The following COL7A1 variants were observed in gnomAD, a reference collection of about 807,000 sequenced individuals.
COL7A1 encodes collagen type VII alpha 1 chain, also known as collagen alpha-1(VII) chain.
COL7A1 carries 296 observed loss-of-function variants against 456.2 expected under a neutral mutation model. The ratio of observed to expected loss-of-function variants is 0.65; its 90% CI spans 0.59 to 0.71. COL7A1 has a LOEUF of 0.71. Among genes scored for constraint, COL7A1 ranks in the 30% least tolerant of loss-of-function variants. The pLI, the probability that COL7A1 is intolerant of heterozygous loss-of-function variation, is 0.00. For synonymous variants in COL7A1, 1,464 were observed against 1,525.9 expected (o/e 0.96, Z 0.95); for missense variants, 3,441 against 4,017.2 (o/e 0.86, Z 3.88).
rs1346251149 is a variant in COL7A1, at chr3:48,571,109, C to A, written c.7156G>T (p.Gly2386Cys). 2 of 1,613,834 alleles carry A rather than the reference C, an allele frequency of 1.2e-6. No homozygotes were observed. The highest frequency in any genetic ancestry group is 1.7e-6 in the Non-Finnish European group (2 of 1,179,994). ...PGSPGPPGPP[G>C]VKGDLGLPGL... ...ATGGGGCATTGACTTACCTTCACAC[C>A]TGGAGGGCCAGGAGGCCCAGGGGAG... The change falls in exon 94 of 119, where the codon GGT becomes TGT. Residue 2386 changes from glycine (G) to cysteine (C), a missense_variant. Coordinates refer to ENST00000681320, the MANE Select transcript of COL7A1 (RefSeq NM_000094.4). This position sits in a 1 kb window ranked among gnomAD's most constrained non-coding sequence, Gnocchi z 4.6.
rs766902987 is a variant in COL7A1, at chr3:48,593,378, C to CT, written c.497dup (p.Val168GlyfsTer12). The CT allele has an allele frequency of 4.2e-5, 68 of 1,614,044 alleles. No individual in the cohort carries two copies. Among genetic ancestry groups the CT allele is most frequent in the Non-Finnish European group, 5.6e-5 (66 of 1,180,050 alleles). ...TACCCACAGCAAATAGCTTGACCCC[C>CT]TGCCCCTTCAGCCTTTGGGCAGCTG... On this transcript the variant is annotated frameshift_variant, in exon 5 of 119. Transcript: ENST00000681320. LOFTEE classifies it high-confidence loss of function. The surrounding 1 kb of genome is among the most constrained non-coding windows in gnomAD (Gnocchi z 4.4).
At position 48,584,469 on chromosome 3, in the gene COL7A1, C is replaced by T. The variant is rs1374977942; in HGVS notation, c.4119+16G>A. On this transcript the variant is annotated intron_variant, in intron 36 of 118. Transcript: ENST00000681320. ...CCCCACTACACATCACTTGCCTCCA[C>T]ATACCCTGCACTTACCGATGGTCCA... The T allele has an allele frequency of 6.2e-7, 1 of 1,613,894 alleles. No homozygotes were observed. The highest frequency in any genetic ancestry group is 1.7e-5 in the Admixed American group (1 of 60,010).
At position 48,574,768 on chromosome 3, in the gene COL7A1, G is replaced by C; in HGVS notation, c.6348+29C>G. ...TCAGTCCCTAGTGCCATGGCAGAGG[G>C]TGGCCCCGAGCTGATTCCACACACT... On this transcript the variant is annotated intron_variant, in intron 77 of 118. Transcript: ENST00000681320. This position sits in a 1 kb window ranked among gnomAD's most constrained non-coding sequence, Gnocchi z 5.0. 1 of 1,613,970 alleles carries C rather than the reference G, an allele frequency of 6.2e-7. No individual in the cohort carries two copies. The highest frequency in any genetic ancestry group is 8.5e-7 in the Non-Finnish European group (1 of 1,180,014).
chr3:48,589,900 G>A (rs183300939), intron 16 of COL7A1, among the ~76,000 whole-genome samples, 182 bp from the exon 17 acceptor site: 1 of 152,262 alleles, frequency 6.6e-6, no homozygotes, highest in Admixed American at 6.5e-5. Flanking sequence ...TCTGATGGAG[G>A]AGAAAGTGTA....
Position 48,578,770 on chromosome 3 carries a change from TA to T in COL7A1, c.5424+148del. On this transcript the variant is annotated intron_variant, in intron 63 of 118. Coordinates refer to ENST00000681320, the MANE Select transcript of COL7A1 (RefSeq NM_000094.4). This position sits in a 1 kb window ranked among gnomAD's most constrained non-coding sequence, Gnocchi z 4.7. ...AGAAGGTCAGAAAGGGGGATTCTACTAAAACCTGTGTGCCAGGGACTGAGAC... is the reference window on the plus strand; with the variant it reads ...AGAAGGTCAGAAAGGGGGATTCTACTAAACCTGTGTGCCAGGGACTGAGAC... 1.2e-6 allele frequency: 1 copy of T among 858,092 alleles called. No individual in the cohort carries two copies. The highest frequency in any genetic ancestry group is 1.8e-6 in the Non-Finnish European group (1 of 566,464). 53.2% of individuals were successfully genotyped at this position (858,092 alleles called of 1,614,324 possible).
chr3:48,572,340 G>A lies in COL7A1; in HGVS notation c.6978+40C>T. ...CAGAAGTTAGGCCACTGGAGAGACA[G>A]GACCCCCAGAACATCTGCTGTCAGA... On this transcript the variant is annotated intron_variant, in intron 90 of 118. Transcript: ENST00000681320. This position sits in a 1 kb window ranked among gnomAD's most constrained non-coding sequence, Gnocchi z 4.6. The A allele has an allele frequency of 1.2e-6, 2 of 1,614,114 alleles. No homozygotes were observed. The highest frequency in any genetic ancestry group is 1.1e-5 in the South Asian group (1 of 91,086).
chr3:48,589,066 G>T, intron 18 of COL7A1, 71 bp from the exon 19 acceptor site: 1 of 1,607,788 alleles, frequency 6.2e-7, no homozygotes, highest in Non-Finnish European at 8.5e-7. Context: ...TTGACGCAGG[G>T]GTGATCTGAA....
intron 37 of COL7A1, 63 bp from the exon 38 acceptor site, chr3:48,584,124 T>C: frequency 6.2e-7 from 1 of 1,612,832 alleles, no homozygotes; most frequent in Non-Finnish European, 8.5e-7. Flanking sequence ...ATACCAGGAG[T>C]GATGAGGGTC....
At position 48,591,444 on chromosome 3, in the gene COL7A1, G is replaced by A; in HGVS notation, c.1636+20C>T. ...GAACTTCAGTGTGTGTGGTGGGGGT[G>A]CTGGCTGCGTCCACCTCACCCTGGG... is the stretch of plus-strand genomic sequence containing the variant. On this transcript the variant is annotated intron_variant, in intron 13 of 118. Coordinates refer to ENST00000681320, the MANE Select transcript of COL7A1 (RefSeq NM_000094.4). The surrounding 1 kb of genome is among the most constrained non-coding windows in gnomAD (Gnocchi z 7.0). 6.2e-7 allele frequency: 1 copy of A among 1,611,974 alleles called. No individual in the cohort carries two copies. The highest frequency in any genetic ancestry group is 8.5e-7 in the Non-Finnish European group (1 of 1,179,020).
At position 48,574,479 on chromosome 3, in the gene COL7A1, A is replaced by G; in HGVS notation, c.6456+9T>C. On this transcript the variant is annotated intron_variant, in intron 79 of 118. Transcript: ENST00000681320. The surrounding 1 kb of genome is among the most constrained non-coding windows in gnomAD (Gnocchi z 5.0). The stretch of plus-strand genomic sequence containing the variant: ...CTTGCACATGTGTGGCTGTTGGGCA[A>G]GGACTTACCGGGTTGCCGTCCTGAC... 1.2e-6 allele frequency: 2 copies of G among 1,614,138 alleles called. No individual in the cohort carries two copies. Among genetic ancestry groups the G allele is most frequent in the Non-Finnish European group, 1.7e-6 (2 of 1,180,022 alleles).
In COL7A1 at chr3:48,564,513, G is replaced by A. The variant is rs1219082261; in HGVS notation, c.8819-91C>T. Reference sequence around the variant, plus strand: ...GCACCGCCAAGGGGAGGGAGCGGAGGCTACAACAGGAAGTGGGGGCTCTGA... The same window carrying A: ...GCACCGCCAAGGGGAGGGAGCGGAGACTACAACAGGAAGTGGGGGCTCTGA... On this transcript the variant is annotated intron_variant, in intron 118 of 118. Coordinates refer to ENST00000681320, the MANE Select transcript of COL7A1 (RefSeq NM_000094.4). This position sits in a 1 kb window ranked among gnomAD's most constrained non-coding sequence, Gnocchi z 6.0. The A allele has an allele frequency of 3.3e-6, 5 of 1,501,594 alleles. No homozygotes were observed. The highest frequency in any genetic ancestry group is 4.6e-6 in the Non-Finnish European group (5 of 1,087,882). The allele number at this position is 1,501,594 out of a possible 1,614,324, so 93.0% of individuals were successfully genotyped here.
Position 48,587,826 on chromosome 3 carries a change from C to T in COL7A1, c.2824G>A (p.Glu942Lys). ...GCAGTCACCTCTGCAGAGGGCCCTT[C>T]TCCAGCTGGCCCTAGGACACTCAGC... is the stretch of plus-strand genomic sequence containing the variant. ...VRLSVLGPAG[E>K]GPSAEVTART... The change falls in exon 22 of 119, where the codon GAA becomes AAA. Residue 942 changes from glutamate (E) to lysine (K), a missense_variant. By Grantham distance (56) the Glu-to-Lys change is moderately conservative. This residue lies in a region of COL7A1 where 444 missense variants were observed against 427.6 expected (regional missense o/e 1.04). Coordinates refer to ENST00000681320, the MANE Select transcript of COL7A1 (RefSeq NM_000094.4). This position sits in a 1 kb window ranked among gnomAD's most constrained non-coding sequence, Gnocchi z 6.1. The T allele has an allele frequency of 6.2e-7, 1 of 1,613,442 alleles. No homozygotes were observed. Among genetic ancestry groups the T allele is most frequent in the Non-Finnish European group, 8.5e-7 (1 of 1,179,988 alleles).
Position 48,568,450 on chromosome 3 carries a change from GGGGGCCC to G in COL7A1, c.7794+42_7794+48del. 6.5e-7 allele frequency: 1 copy of G among 1,546,164 alleles called. No homozygotes were observed. The stretch of plus-strand genomic sequence containing the variant: ...ACACTGGTGGGACCACCATGGTGAC[GGGGGCCC>G]TCTGGGGACAGGGGGCCCCTGTGGG... On this transcript the variant is annotated intron_variant, in intron 105 of 118. Coordinates refer to ENST00000681320, the MANE Select transcript of COL7A1 (RefSeq NM_000094.4). This position sits in a 1 kb window ranked among gnomAD's most constrained non-coding sequence, Gnocchi z 5.2.
In COL7A1 at chr3:48,569,103, G is replaced by C. The variant is rs1412667542; in HGVS notation, c.7687-248C>G. ...CACTGGGTTCCTCATCCCATCTGAA[G>C]CACCTTCAGATGGGGACACCCAAGG... On this transcript the variant is annotated intron_variant, in intron 103 of 118. Coordinates refer to ENST00000681320, the MANE Select transcript of COL7A1 (RefSeq NM_000094.4). This position sits in a 1 kb window ranked among gnomAD's most constrained non-coding sequence, Gnocchi z 4.9. 6.6e-6 allele frequency among the ~76,000 whole-genome samples: 1 copy of C among 151,982 alleles called. No homozygotes were observed. The highest frequency in any genetic ancestry group is 1.5e-5 in the Non-Finnish European group (1 of 67,982).
chr3:48,587,010 C>G lies in COL7A1; in HGVS notation c.3238G>C (p.Val1080Leu). ...EATRRVLERL[V>L]LALGPLGPQA... The stretch of plus-strand genomic sequence containing the variant: ...GGCCCAAGAGGCCCAAGTGCCAACA[C>G]CAGACGCTCCAGGACCCTCCTCGTA... The change falls in exon 25 of 119, where the codon GTG (valine) becomes CTG (leucine). Residue 1080 changes from valine (V) to leucine (L), a missense_variant. This residue lies in a region of COL7A1 where 444 missense variants were observed against 427.6 expected (regional missense o/e 1.04). Coordinates refer to ENST00000681320, the MANE Select transcript of COL7A1 (RefSeq NM_000094.4). This position sits in a 1 kb window ranked among gnomAD's most constrained non-coding sequence, Gnocchi z 6.1. 1 of 1,601,680 alleles carries G rather than the reference C, an allele frequency of 6.2e-7. No individual in the cohort carries two copies. Among genetic ancestry groups the G allele is most frequent in the Non-Finnish European group, 8.5e-7 (1 of 1,174,310 alleles).
Position 48,578,204 on chromosome 3 carries a change from C to T in COL7A1, c.5532+117G>A, listed in dbSNP as rs2044458018. 1 of 1,184,164 alleles carries T rather than the reference C, an allele frequency of 8.4e-7. No individual in the cohort carries two copies. The highest frequency in any genetic ancestry group is 1.9e-5 in the Admixed American group (1 of 51,642). The allele number at this position is 1,184,164 out of a possible 1,614,324, so 73.4% of individuals were successfully genotyped here. ...TATGTTTCTGGATGCATCTGTATGTCTGGGCCAGGATGCATGTGTCTACAC... is the reference window on the plus strand; with the variant it reads ...TATGTTTCTGGATGCATCTGTATGTTTGGGCCAGGATGCATGTGTCTACAC... On this transcript the variant is annotated intron_variant, in intron 65 of 118. Coordinates refer to ENST00000681320, the MANE Select transcript of COL7A1 (RefSeq NM_000094.4). This position sits in a 1 kb window ranked among gnomAD's most constrained non-coding sequence, Gnocchi z 4.7.
chr3:48,594,402 G>GCA lies in COL7A1; in HGVS notation c.230_231dup (p.Arg78CysfsTer27), dbSNP rs2045925133. 4 of 1,611,522 alleles carry GCA rather than the reference G, an allele frequency of 2.5e-6. No homozygotes were observed. Among genetic ancestry groups the GCA allele is most frequent in the Non-Finnish European group, 2.5e-6 (3 of 1,180,030 alleles). On this transcript the variant is annotated frameshift_variant, in exon 3 of 119. Coordinates refer to ENST00000681320, the MANE Select transcript of COL7A1 (RefSeq NM_000094.4). LOFTEE classifies it high-confidence loss of function. This position sits in a 1 kb window ranked among gnomAD's most constrained non-coding sequence, Gnocchi z 5.5. ...TCGCTGTACTGCACTGTGGCAAAGC[G>GCA]CACACCCTGTGCACTGGCTGCTCCA... is the stretch of plus-strand genomic sequence containing the variant.
Position 48,578,351 on chromosome 3 carries a change from C to G in COL7A1, c.5502G>C (p.Glu1834Asp). The G allele has an allele frequency of 6.2e-7, 1 of 1,613,086 alleles. No homozygotes were observed. Among genetic ancestry groups the G allele is most frequent in the Non-Finnish European group, 8.5e-7 (1 of 1,180,020 alleles). ...TTCCATTCAGGCCAGGTTTGCCATC[C>G]TCGCCTGGCTTTCCCTGTGGGAACA... ...GPPGLPGKPG[E>D]DGKPGLNGKN... Residue 1834 changes from glutamate to aspartate, a missense_variant, in exon 65 of 119, where the codon GAG becomes GAC. Coordinates refer to ENST00000681320, the MANE Select transcript of COL7A1 (RefSeq NM_000094.4). The surrounding 1 kb of genome is among the most constrained non-coding windows in gnomAD (Gnocchi z 4.7).
rs142991861 is a variant in COL7A1 at position 48,586,350 on chromosome 3, G to A, written c.3532C>T (p.Arg1178Cys). The change falls in exon 27 of 119, where the codon CGT (arginine) becomes TGT (cysteine). Residue 1178 changes from arginine to cysteine, a missense_variant. Around this residue, in one of 3 missense-constraint regions of COL7A1, gnomAD observed 2,084 missense variants for 2,501.3 expected, o/e 0.83. Coordinates refer to ENST00000681320, the MANE Select transcript of COL7A1 (RefSeq NM_000094.4). This position sits in a 1 kb window ranked among gnomAD's most constrained non-coding sequence, Gnocchi z 5.1. ...PLRGDIFSPI[R>C]EAQASGLNVV... The stretch of plus-strand genomic sequence containing the variant: ...TCCTTACCAGAAGCCTGGGCCTCAC[G>A]GATGGGGCTGAATATGTCACCTCTC... 7.0e-5 allele frequency: 113 copies of A among 1,613,822 alleles called. No individual in the cohort carries two copies. Among genetic ancestry groups the A allele is most frequent in the African/African-American group, 1.7e-4 (13 of 75,048 alleles).
Sources: gnomAD v4.1 joint callset for allele counts (sites outside exome capture counted in the v4.1 genomes callset) on GRCh38, gnomAD v4.1.1 for gene constraint, gnomAD v4.1.1 regional missense constraint, Gnocchi (gnomAD v3.1) non-coding constraint, MANE v1.5 for transcripts, NCBI Gene and HGNC (gene_info 2026-07-23, HGNC 2026-07-21) for gene names.